Variants in WDR89 observed in about 807,000 individuals in gnomAD.
WDR89 encodes WD repeat domain 89, also known as WD repeat-containing protein 89.
WDR89 carries 17 observed loss-of-function variants against 29.1 expected under a neutral mutation model. The observed-to-expected ratio is 0.58, with a 90% CI of 0.40 to 0.88. The LOEUF is 0.88. Among genes scored for constraint, WDR89 ranks in the 40% least tolerant of loss-of-function variants. The probability of loss-of-function intolerance (pLI) is 0.00; values close to 1 mark genes in which losing one functional copy is unlikely to be tolerated. For missense variants in WDR89, 396 were observed against 456.3 expected, an observed-to-expected ratio of 0.87 and a Z score of 1.20; for synonymous variants, 138 against 157.8, an observed-to-expected ratio of 0.87 and a Z score of 0.94.
chr14:63,630,083 G>C (rs941561279), intron 1 of WDR89, among the ~76,000 whole-genome samples: 1 of 152,048 alleles, frequency 6.6e-6, no homozygotes, highest in Admixed American at 6.6e-5. Context: ...AAGTAGCTGG[G>C]ACTATAGGCA....
intron 1 of WDR89, among the ~76,000 whole-genome samples, chr14:63,637,301 C>T (rs1004236810): frequency 2.6e-5 from 4 of 152,206 alleles, no homozygotes; most frequent in South Asian, 4.2e-4. Context: ...GGAACACTTC[C>T]GCACTGCTGG....
At chr14:63,600,038 T>A in intron 2 of WDR89, 65 bp from the exon 3 acceptor site, 1 of 1,033,912 alleles carries the variant, frequency 9.7e-7, no homozygotes, top group Non-Finnish European at 1.3e-6. Flanking sequence ...ATAAAAAAAT[T>A]TAACTTGAAG....
chr14:63,627,952 T>C (rs1006307688), intron 1 of WDR89, among the ~76,000 whole-genome samples: 10 of 152,206 alleles, frequency 6.6e-5, no homozygotes, highest in Admixed American at 2.0e-4. Context: ...ATTTCTCTAA[T>C]AGGCTGAGCA....
chr14:63,598,464 T>C lies in WDR89; in HGVS notation c.*315A>G, dbSNP rs1226652081. The C allele has an allele frequency of 5.2e-6, 1 of 191,670 alleles. No individual in the cohort carries two copies. 11.9% of individuals were successfully genotyped at this position (191,670 alleles called of 1,614,324 possible). A position where few individuals can be genotyped will look rare whatever the true frequency, so the allele number is the denominator to read the frequency against. On this transcript the variant is annotated 3_prime_UTR_variant, in exon 3 of 3. Coordinates refer to ENST00000620954, the MANE Select transcript of WDR89 (RefSeq NM_080666.4). ...AAATGCAGCCAACCACCTGTTTTAT[T>C]AAGTTTTACCAAGTATTTCCTTCTA... is the stretch of plus-strand genomic sequence containing the variant.
chr14:63,602,462 CAAAAAAAAAAAAAA>C (rs58161137), intron 2 of WDR89, among the ~76,000 whole-genome samples: 7 of 35,644 alleles, frequency 2.0e-4, no homozygotes, highest in Admixed American at 9.8e-4. Flanking sequence ...GATTCCTACT[CAAAAAAAAAAAAAA>C]AAAAAAAAAA....
intron 1 of WDR89, among the ~76,000 whole-genome samples, chr14:63,639,155 A>G (rs1353797421): frequency 6.6e-6 from 1 of 152,160 alleles, no homozygotes; most frequent in African/African-American, 2.4e-5. Context: ...CTCCAGAAGG[A>G]ATTGGGCCTG....
intron 1 of WDR89, among the ~76,000 whole-genome samples, chr14:63,637,430 A>C (rs1883806528): frequency 6.6e-6 from 1 of 152,212 alleles, no homozygotes; most frequent in African/African-American, 2.4e-5. Flanking sequence ...ACCCAGAGGA[A>C]AAGTCATTAT....
At chr14:63,630,009 G>A (rs771024575) in intron 1 of WDR89, among the ~76,000 whole-genome samples, 9 of 152,060 alleles carry the variant, frequency 5.9e-5, no homozygotes, top group East Asian at 5.8e-4. Flanking sequence ...GTGCAATGGC[G>A]TGATCTTGGC....
intron 2 of WDR89, among the ~76,000 whole-genome samples, chr14:63,612,129 G>A (rs7145740): frequency 0.2 from 30,910 of 151,820 alleles, 6,823 homozygotes; most frequent in African/African-American, 0.56. Flanking sequence ...AAAGCCCTTC[G>A]GTCAAACTCA....
At chr14:63,615,370 T>G (rs1233590896) in intron 2 of WDR89, among the ~76,000 whole-genome samples, 1 of 152,252 alleles carries the variant, frequency 6.6e-6, no homozygotes, top group Non-Finnish European at 1.5e-5. Flanking sequence ...TTCGGAATAA[T>G]CTAATTCTTG....
intron 2 of WDR89, among the ~76,000 whole-genome samples, chr14:63,621,300 A>C (rs1882679744): frequency 6.6e-6 from 1 of 152,178 alleles, no homozygotes. Flanking sequence ...GCTGGGGTGC[A>C]GTGGCACAAT....
rs147292103 is a variant in WDR89 at position 63,602,363 on chromosome 14, C to T, written c.-31-2390G>A. ...GGTGCACACCTGTAATCCAGCTACT[C>T]GGGAGGCTGAGGCAGGAGAACTGCT... On this transcript the variant is annotated intron_variant, in intron 2 of 2. Transcript: ENST00000620954. 8.3e-3 allele frequency among the ~76,000 whole-genome samples: 1,216 copies of T among 145,766 alleles called. 14 individuals are homozygous for T. Among genetic ancestry groups the T allele is most frequent in the African/African-American group, 0.03 (1,164 of 39,256 alleles).
At chr14:63,601,646 C>A in intron 2 of WDR89, 1 of 1,613,196 alleles carries the variant, frequency 6.2e-7, no homozygotes, top group South Asian at 1.1e-5. Context: ...CAACAGTAGT[C>A]GCTGTTGGAT....
At position 63,598,296 on chromosome 14, in the gene WDR89, TC is replaced by T. The variant is rs1450171258; in HGVS notation, c.*482del. On this transcript the variant is annotated 3_prime_UTR_variant, in exon 3 of 3. Coordinates refer to ENST00000620954, the MANE Select transcript of WDR89 (RefSeq NM_080666.4). ...TGTAAAAAAGGTTAATTCTATTTAC[TC>T]ATTAAAATACTTACATTTAAATACT... is the stretch of plus-strand genomic sequence containing the variant. 1 of 152,340 alleles carries T rather than the reference TC, an allele frequency of 6.6e-6. No individual in the cohort carries two copies. Among genetic ancestry groups the T allele is most frequent in the Non-Finnish European group, 1.5e-5 (1 of 68,126 alleles). The allele number at this position is 152,340 out of a possible 1,614,324, so 9.4% of individuals were successfully genotyped here.
At position 63,634,057 on chromosome 14, in the gene WDR89, T is replaced by A. The variant is rs1883575643; in HGVS notation, c.-138+7747A>T. On this transcript the variant is annotated intron_variant, in intron 1 of 2. Transcript: ENST00000620954. ...AAAAATCATCAGGACATAATTCCAA[T>A]CTCCAAATAGAAAGATGTTTACCAT... Among the ~76,000 whole-genome samples, 2 of 152,116 alleles carry A rather than the reference T, an allele frequency of 1.3e-5. 1 individual carries two copies. The highest frequency in any genetic ancestry group is 4.1e-4 in the South Asian group (2 of 4,828).
At chr14:63,624,206 G>A (rs578212892) in intron 2 of WDR89, among the ~76,000 whole-genome samples, 5 of 152,100 alleles carry the variant, frequency 3.3e-5, no homozygotes, top group African/African-American at 7.2e-5. Flanking sequence ...GGTGGCTCAC[G>A]CCTATAATCC....
At chr14:63,630,216 G>A (rs1288525114) in intron 1 of WDR89, among the ~76,000 whole-genome samples, 1 of 151,584 alleles carries the variant, frequency 6.6e-6, no homozygotes, top group Non-Finnish European at 1.5e-5. Context: ...CCAAAGTGCT[G>A]GGATTACAGG....
chr14:63,630,993 T>C, intron 1 of WDR89, among the ~76,000 whole-genome samples: 1 of 152,114 alleles, frequency 6.6e-6, no homozygotes, highest in East Asian at 1.9e-4. Context: ...TTGCCAGACC[T>C]GGTCTTAAAA....
chr14:63,634,644 C>G (rs1883616001), intron 1 of WDR89, among the ~76,000 whole-genome samples: 2 of 151,696 alleles, frequency 1.3e-5, no homozygotes, highest in African/African-American at 4.8e-5. Flanking sequence ...CTGAGGCAGG[C>G]AGATCACCTA....
Sources: allele counts gnomAD v4.1 joint callset (sites outside exome capture counted in the v4.1 genomes callset), GRCh38; gene constraint gnomAD v4.1.1; transcripts MANE v1.5; gene names NCBI Gene and HGNC (gene_info 2026-07-23, HGNC 2026-07-21).